Variants in OTOGL observed in about 807,000 individuals in gnomAD.
OTOGL encodes otogelin-like protein.
In OTOGL, 285 loss-of-function variants were observed where a neutral mutation model predicts 318.5. The ratio of observed to expected loss-of-function variants is 0.89; its 90% CI spans 0.81 to 0.99. OTOGL has a LOEUF of 0.99. OTOGL is among the 50% of genes least tolerant of loss of function. The probability of loss-of-function intolerance (pLI) is 0.00; values close to 1 mark genes in which losing one functional copy is unlikely to be tolerated. For missense variants in OTOGL, 2,899 were observed against 2,845.6 expected, an observed-to-expected ratio of 1.02 and a Z score of -0.43; for synonymous variants, 987 against 936.5, an observed-to-expected ratio of 1.05 and a Z score of -0.99.
chr12:80,255,307 T>A, intron 16 of OTOGL, 122 bp downstream of exon 16: 1 of 995,598 alleles, frequency 1.0e-6, no homozygotes, highest in East Asian at 3.1e-5. Context: ...TAAGATGACA[T>A]TGATTATTAA....
At chr12:80,314,376 G>A in intron 32 of OTOGL, 45 bp downstream of exon 32, 2 of 824,020 alleles carry the variant, frequency 2.4e-6, no homozygotes, top group South Asian at 9.9e-5. Flanking sequence ...TATTCTATTA[G>A]GTGTATTTTC....
At chr12:80,183,837 T>C (rs915982672) in intron 1 of OTOGL, among the ~76,000 whole-genome samples, 5 of 152,186 alleles carry the variant, frequency 3.3e-5, no homozygotes, top group African/African-American at 4.8e-5. Flanking sequence ...CCTTGCTCCA[T>C]AGGAGTGTTT....
At chr12:80,343,526 T>TTTTTTTTTTTTTTTTTTTTTTTC (rs1555301044) in intron 44 of OTOGL, 3 of 118,152 alleles carry the variant, frequency 2.5e-5, no homozygotes, top group African/African-American at 1.4e-4. Flanking sequence ...TTTTTTTTTT[T>TTTTTTTTTTTTTTTTTTTTTTTC]TTTTTTTTTT....
chr12:80,221,387 C>G (rs1022887623), intron 6 of OTOGL, among the ~76,000 whole-genome samples: 1 of 151,812 alleles, frequency 6.6e-6, no homozygotes, highest in Admixed American at 6.6e-5. Flanking sequence ...GTCTCAGCCT[C>G]CTGGGTAGCT....
intron 1 of OTOGL, among the ~76,000 whole-genome samples, chr12:80,140,841 G>A (rs1035827750): frequency 6.6e-6 from 1 of 152,070 alleles, no homozygotes; most frequent in Non-Finnish European, 1.5e-5. Context: ...AGAAGAACTG[G>A]TATCTTTGTA....
At chr12:80,376,045 A>G (rs1420368925) in intron 57 of OTOGL, among the ~76,000 whole-genome samples, 6 of 152,066 alleles carry the variant, frequency 3.9e-5, no homozygotes. Context: ...CCTAAAACTT[A>G]AAGTATAATA....
intron 11 of OTOGL, among the ~76,000 whole-genome samples, chr12:80,244,318 C>G (rs1374456240): frequency 9.3e-6 from 1 of 107,488 alleles, no homozygotes; most frequent in Non-Finnish European, 1.8e-5. Flanking sequence ...TATCCCTCCC[C>G]CCTCCCCCCA....
chr12:80,265,129 T>C lies in OTOGL; in HGVS notation c.2143T>C (p.Cys715Arg). 1 of 1,613,912 alleles carries C rather than the reference T, an allele frequency of 6.2e-7. No individual in the cohort carries two copies. The highest frequency in any genetic ancestry group is 1.1e-5 in the South Asian group (1 of 91,082). Reference sequence around the variant, plus strand: ...ATGCAAGTGTGGAAGCTCCTGCCTGTGCAATGCTCTTGCCCACTATGCCTA... The same window carrying C: ...ATGCAAGTGTGGAAGCTCCTGCCTGCGCAATGCTCTTGCCCACTATGCCTA... ...DACKCGSSCL[C>R]NALAHYAYLC... Residue 715 changes from cysteine (C) to arginine (R), a missense_variant, in exon 20 of 59, where the codon TGC (cysteine) becomes CGC (arginine). Physicochemically the swap from Cys to Arg is radical, Grantham distance 180. Around this residue, in one of 3 missense-constraint regions of OTOGL, gnomAD observed 2,607 missense variants for 2,524.9 expected, o/e 1.03. Transcript: ENST00000547103.
intron 11 of OTOGL, among the ~76,000 whole-genome samples, chr12:80,248,927 G>T (rs1156981935): frequency 6.8e-6 from 1 of 147,732 alleles, no homozygotes; most frequent in Non-Finnish European, 1.5e-5. Context: ...ATCTTCCATT[G>T]CTGATACCCT....
intron 19 of OTOGL, among the ~76,000 whole-genome samples, chr12:80,263,624 A>G (rs1425357227): frequency 6.6e-6 from 1 of 152,114 alleles, no homozygotes; most frequent in Non-Finnish European, 1.5e-5. Context: ...AACCACACAC[A>G]TGCTATGTAC....
intron 1 of OTOGL, among the ~76,000 whole-genome samples, chr12:80,129,575 A>C (rs1270588800): frequency 1.3e-5 from 2 of 152,186 alleles, no homozygotes; most frequent in Non-Finnish European, 2.9e-5. Flanking sequence ...AGGGTGGTAC[A>C]ACCCTTCCTC....
At chr12:80,286,225 C>T (rs1884608850) in intron 26 of OTOGL, among the ~76,000 whole-genome samples, 1 of 152,010 alleles carries the variant, frequency 6.6e-6, no homozygotes. Flanking sequence ...GATGAAGCCA[C>T]CTTGATCGTG....
chr12:80,162,529 C>T (rs1346333182), intron 1 of OTOGL, among the ~76,000 whole-genome samples: 1 of 151,992 alleles, frequency 6.6e-6, no homozygotes, highest in Non-Finnish European at 1.5e-5. Flanking sequence ...AGGCTAGAAG[C>T]TTGAAAGCAA....
At position 80,368,211 on chromosome 12, in the gene OTOGL, G is replaced by T. The variant is rs775970766; in HGVS notation, c.6517G>T (p.Val2173Leu). The stretch of plus-strand genomic sequence containing the variant: ...CTAATATCATTATATGCAGCACCAG[G>T]TATATACTCCATCCCCAAGTGATTA... ...NCSKKCDVHQ[V>L]YTPSPSDYGC... Residue 2173 changes from valine to leucine, a missense_variant, in exon 55 of 59, where the codon GTA (valine) becomes TTA (leucine). Physicochemically the swap from Val to Leu is conservative, Grantham distance 32 (BLOSUM62 1). Around this residue, in one of 3 missense-constraint regions of OTOGL, gnomAD observed 289 missense variants for 304.6 expected, o/e 0.95. Coordinates refer to ENST00000547103, the MANE Select transcript of OTOGL (RefSeq NM_001378609.3). 2.5e-6 allele frequency: 4 copies of T among 1,591,730 alleles called. No homozygotes were observed. The East Asian group carries it at 6.8e-5, about 27-fold the overall frequency.
chr12:80,228,444 AAAAC>A (rs148704604), intron 7 of OTOGL, among the ~76,000 whole-genome samples: 131 of 152,164 alleles, frequency 8.6e-4, no homozygotes, highest in African/African-American at 2.7e-3. Flanking sequence ...TCTATCTCAA[AAAAC>A]AAACAAACAA....
rs1399618428 is a variant in OTOGL at position 80,263,907 on chromosome 12, A to C, written c.2015-1094A>C. ...ACTTTGCTCTTTCAGGATCCTTGGC[A>C]TTAAGAATATATATGTAAACAGTAT... is the stretch of plus-strand genomic sequence containing the variant. On this transcript the variant is annotated intron_variant, in intron 19 of 58. Transcript: ENST00000547103. Among the ~76,000 whole-genome samples the C allele has an allele frequency of 2.0e-5, 3 of 152,140 alleles. No individual in the cohort carries two copies. In the South Asian group the frequency reaches 6.2e-4, roughly 31 times the overall value.
At chr12:80,145,867 G>A (rs368915240) in intron 1 of OTOGL, among the ~76,000 whole-genome samples, 3 of 151,600 alleles carry the variant, frequency 2.0e-5, no homozygotes, top group South Asian at 2.1e-4. Context: ...TTTGTCTGTT[G>A]TTGGTGTATA....
chr12:80,304,739 C>G (rs1471594236), intron 28 of OTOGL, among the ~76,000 whole-genome samples: 1 of 151,996 alleles, frequency 6.6e-6, no homozygotes, highest in Non-Finnish European at 1.5e-5. Context: ...TTGTTTCCAG[C>G]AAGAATAGCA....
rs929462192 is a variant in OTOGL, at chr12:80,120,693, G to A, written c.-20+21088G>A. On this transcript the variant is annotated intron_variant, in intron 1 of 58. Transcript: ENST00000547103. ...AAGAGAAGTTTTAGATTTTTAATGC[G>A]GTAAGCTGACTTGTTAAAAGATTCC... 3.3e-5 allele frequency among the ~76,000 whole-genome samples: 5 copies of A among 152,050 alleles called. No individual in the cohort carries two copies. In the East Asian group the frequency reaches 5.8e-4, roughly 18 times the overall value.
Sources: allele counts gnomAD v4.1 joint callset (sites outside exome capture counted in the v4.1 genomes callset), GRCh38; gene constraint gnomAD v4.1.1; regional missense constraint gnomAD v4.1.1; transcripts MANE v1.5; gene names NCBI Gene and HGNC (gene_info 2026-07-23, HGNC 2026-07-21).